Variants in FKBP15 observed in about 807,000 individuals in gnomAD.
FKBP15 encodes the protein FK506-binding protein 15.
Under a neutral mutation model 158.1 loss-of-function variants are expected in FKBP15, and 106 were observed. That is an observed-to-expected ratio of 0.67 (90% CI 0.57 to 0.79). The LOEUF (loss-of-function observed/expected upper bound fraction) is 0.79, where lower values mean the gene tolerates loss of function less well. Among genes scored for constraint, FKBP15 ranks in the 30% least tolerant of loss-of-function variants. The pLI, the probability that FKBP15 is intolerant of heterozygous loss-of-function variation, is 0.00. For missense variants in FKBP15, 1,287 were observed against 1,479.1 expected (o/e 0.87, Z 2.13); for synonymous variants, 547 against 548.6 (o/e 1.00, Z 0.04).
rs755887841 is a variant in FKBP15, at chr9:113,211,581, G to A, written c.65C>T (p.Ala22Val). ...FLSPSGGARL[A>V]SLFGLDQAAA... ...TGCCTGATCCAGTCCAAAAAGTGAG[G>A]CCAATCTGGCACTGTTAGTAGAAAA... is the stretch of plus-strand genomic sequence containing the variant. The change falls in exon 2 of 28, where the codon GCC becomes GTC. Residue 22 changes from alanine (A) to valine (V), a missense_variant. Transcript: ENST00000238256. 1.6e-5 allele frequency: 25 copies of A among 1,599,210 alleles called. No individual in the cohort carries two copies. Among genetic ancestry groups the A allele is most frequent in the Non-Finnish European group, 2.1e-5 (25 of 1,172,104 alleles).
At position 113,221,208 on chromosome 9, in the gene FKBP15, GA is replaced by G; in HGVS notation, c.35del (p.Phe12SerfsTer58). ...TCACTCACCCGCCGCTCGGCGAGAG[GA>G]AATCGGTGTCGTCCTCGTCCCCCGC... is the stretch of plus-strand genomic sequence containing the variant. ...FGAGDEDDTD[F>X]LSPSGGARLA... On this transcript the variant is annotated frameshift_variant, in exon 1 of 28. Coordinates refer to ENST00000238256, the MANE Select transcript of FKBP15 (RefSeq NM_015258.2). LOFTEE classifies it high-confidence loss of function. 1.2e-6 allele frequency: 2 copies of G among 1,610,414 alleles called. No individual in the cohort carries two copies. The highest frequency in any genetic ancestry group is 1.7e-6 in the Non-Finnish European group (2 of 1,178,188).
At chr9:113,221,125 C>T in intron 1 of FKBP15, 66 bp downstream of exon 1, 1 of 1,503,972 alleles carries the variant, frequency 6.6e-7, no homozygotes, top group Non-Finnish European at 9.0e-7. Flanking sequence ...AGAGATCGAC[C>T]CCCCTCCAAC....
chr9:113,188,723 G>A (rs1020494583), intron 12 of FKBP15, among the ~76,000 whole-genome samples: 1 of 152,178 alleles, frequency 6.6e-6, no homozygotes, highest in Non-Finnish European at 1.5e-5. Flanking sequence ...AGTAAATATA[G>A]TTAATTTCCA....
rs1345782014 is a variant in FKBP15 at position 113,184,875 on chromosome 9, AG to A, written c.1499-72del. 6.0e-6 allele frequency: 7 copies of A among 1,164,424 alleles called. No individual in the cohort carries two copies. The East Asian group carries it at 1.5e-4, about 25-fold the overall frequency. The allele number at this position is 1,164,424 out of a possible 1,614,324, so 72.1% of individuals were successfully genotyped here. A position where few individuals can be genotyped will look rare whatever the true frequency, so the allele number is the denominator to read the frequency against. On this transcript the variant is annotated intron_variant, in intron 15 of 27. Transcript: ENST00000238256. This position sits in a 1 kb window ranked among gnomAD's most constrained non-coding sequence, Gnocchi z 4.5. The stretch of plus-strand genomic sequence containing the variant: ...GGAAACTGTATGAAGAAAAGCTAGT[AG>A]CTCTTCCAGTAAAGAAAGAAATTAA...
chr9:113,168,681 C>A (rs774068993), intron 26 of FKBP15, 125 bp from the exon 27 acceptor site: 9 of 776,488 alleles, frequency 1.2e-5, no homozygotes, highest in Non-Finnish European at 1.9e-5. Flanking sequence ...TCAGGAATTC[C>A]TCCCACCTCC....
Position 113,211,517 on chromosome 9 carries a change from G to A in FKBP15, c.129C>T (p.Ala43=), listed in dbSNP as rs1831005071. ...GHGNEFFQYT[A]PKQPKKGQGT... ...CCTGGCCTTTCTTAGGCTGTTTTGG[G>A]GCTGTGTACTGGAAAAATTCATTTC... Residue 43 remains alanine, a synonymous_variant, in exon 2 of 28, where the codon GCC becomes GCT. Transcript: ENST00000238256. 1 of 1,609,342 alleles carries A rather than the reference G, an allele frequency of 6.2e-7. No homozygotes were observed.
chr9:113,201,687 G>T (rs1432638278), intron 6 of FKBP15, among the ~76,000 whole-genome samples: 1 of 152,194 alleles, frequency 6.6e-6, no homozygotes, highest in Non-Finnish European at 1.5e-5. Flanking sequence ...CTGGCACCCT[G>T]ATCTCAGACT....
rs751545996 is a variant in FKBP15, at chr9:113,190,276, A to G, written c.1173+195T>C. Reference sequence around the variant, plus strand: ...GCCCAGTTCTTGTAAAAGATCTACAAAATTGCTTCCATCTCTCAGGGAAGT... The same window carrying G: ...GCCCAGTTCTTGTAAAAGATCTACAGAATTGCTTCCATCTCTCAGGGAAGT... On this transcript the variant is annotated intron_variant, in intron 12 of 27. Transcript: ENST00000238256. 7.5e-4 allele frequency among the ~76,000 whole-genome samples: 114 copies of G among 152,204 alleles called. 4 individuals are homozygous for G. The highest frequency in any genetic ancestry group is 1.0e-3 in the Admixed American group (16 of 15,278).
At chr9:113,189,506 T>G (rs1177976948) in intron 12 of FKBP15, among the ~76,000 whole-genome samples, 1 of 152,060 alleles carries the variant, frequency 6.6e-6, no homozygotes, top group African/African-American at 2.4e-5. Flanking sequence ...CATAAAATTT[T>G]TAATAAAAAT....
chr9:113,210,109 G>C, intron 2 of FKBP15, among the ~76,000 whole-genome samples: 1 of 152,142 alleles, frequency 6.6e-6, no homozygotes, highest in East Asian at 1.9e-4. Context: ...GTGTCCATAT[G>C]GGGCAGAAGG....
chr9:113,199,932 G>C lies in FKBP15; in HGVS notation c.530C>G (p.Ser177Cys). ...GTCCTGGGAGAGCACTGCATCCAGGGAAGAGGTACTGTTGCACTTAGCAAT... is the reference window on the plus strand; with the variant it reads ...GTCCTGGGAGAGCACTGCATCCAGGCAAGAGGTACTGTTGCACTTAGCAAT... The part of the protein sequence containing the change: ...VCIAKCNSTS[S>C]LDAVLSQDLI... Residue 177 changes from serine to cysteine, a missense_variant, in exon 7 of 28, where the codon TCC (serine) becomes TGC (cysteine). Transcript: ENST00000238256. The C allele has an allele frequency of 6.2e-7, 1 of 1,613,352 alleles. No homozygotes were observed. Among genetic ancestry groups the C allele is most frequent in the Non-Finnish European group, 8.5e-7 (1 of 1,179,654 alleles).
chr9:113,209,411 G>A (rs1376713804), intron 2 of FKBP15, among the ~76,000 whole-genome samples: 1 of 152,224 alleles, frequency 6.6e-6, no homozygotes, highest in African/African-American at 2.4e-5. Flanking sequence ...ATGAAGAGAT[G>A]TGCCACAGGA....
At chr9:113,211,752 T>TA (rs58018622) in intron 1 of FKBP15, among the ~76,000 whole-genome samples, 160 bp from the exon 2 acceptor site, 7,007 of 149,474 alleles carry the variant, frequency 0.047, 231 homozygotes, top group African/African-American at 0.094. Context: ...ATTTAAAAAT[T>TA]AAAAAAAAAA....
chr9:113,166,208 C>CTT, intron 27 of FKBP15, 53 bp from the exon 28 acceptor site: 2 of 1,508,458 alleles, frequency 1.3e-6, no homozygotes, highest in Non-Finnish European at 1.8e-6. Flanking sequence ...CACCACTGGA[C>CTT]TTTCCACCTG....
Position 113,165,935 on chromosome 9 carries a change from AACCC to A in FKBP15, c.*139_*142del. ...CGGGGGTGGGGCTCAGAAGGTGGCC[AACCC>A]ACCCTCTGAGCCCAAATATTGTTCC... On this transcript the variant is annotated 3_prime_UTR_variant, in exon 28 of 28. Transcript: ENST00000238256. 1.5e-6 allele frequency: 1 copy of A among 674,240 alleles called. No individual in the cohort carries two copies. The highest frequency in any genetic ancestry group is 1.9e-5 in the South Asian group (1 of 51,570). The allele number at this position is 674,240 out of a possible 1,614,324, so 41.8% of individuals were successfully genotyped here. A position where few individuals can be genotyped will look rare whatever the true frequency, so the allele number is the denominator to read the frequency against.
intron 2 of FKBP15, among the ~76,000 whole-genome samples, chr9:113,208,532 CT>C (rs993805875): frequency 5.3e-5 from 8 of 152,080 alleles, no homozygotes; most frequent in East Asian, 1.9e-4. Context: ...TGTATTAACA[CT>C]TTTTTTTCTG....
rs1830887365 is a variant in FKBP15 at position 113,206,363 on chromosome 9, T to C, written c.324+146A>G. 7 of 615,226 alleles carry C rather than the reference T, an allele frequency of 1.1e-5. No homozygotes were observed. The South Asian group carries it at 1.3e-4, about 12-fold the overall frequency. 38.1% of individuals were successfully genotyped at this position (615,226 alleles called of 1,614,324 possible). ...GTAAGCAAAATGTGATCATTTACTA[T>C]ATGCTTGATGTTATAAATTAACATT... On this transcript the variant is annotated intron_variant, in intron 4 of 27. Transcript: ENST00000238256.
Position 113,190,598 on chromosome 9 carries a change from A to T in FKBP15, c.1066-20T>A. On this transcript the variant is annotated intron_variant, in intron 11 of 27. Coordinates refer to ENST00000238256, the MANE Select transcript of FKBP15 (RefSeq NM_015258.2). Reference sequence around the variant, plus strand: ...GGGACTCTAAAAAGAGAGGAAAGTCACAAAAATCACTGTGATTAAAGCTCA... The same window carrying T: ...GGGACTCTAAAAAGAGAGGAAAGTCTCAAAAATCACTGTGATTAAAGCTCA... 3.8e-6 allele frequency: 6 copies of T among 1,576,476 alleles called. No homozygotes were observed. Among genetic ancestry groups the T allele is most frequent in the Non-Finnish European group, 5.2e-6 (6 of 1,155,112 alleles).
rs762895568 is a variant in FKBP15 at position 113,173,445 on chromosome 9, A to T, written c.2532+8T>A. 8 of 1,612,128 alleles carry T rather than the reference A, an allele frequency of 5.0e-6. No individual in the cohort carries two copies. Among genetic ancestry groups the T allele is most frequent in the Non-Finnish European group, 5.9e-6 (7 of 1,178,480 alleles). On this transcript the variant is annotated splice_region_variant and intron_variant, in intron 23 of 27. Transcript: ENST00000238256. ...GCCTAAACTGTCTGACTCAAGAAAA[A>T]TATGTACCTTTTCCTGAAGTTGTAC...
Sources: allele counts gnomAD v4.1 joint callset (sites outside exome capture counted in the v4.1 genomes callset), GRCh38; gene constraint gnomAD v4.1.1; non-coding constraint Gnocchi (gnomAD v3.1); transcripts MANE v1.5; gene names NCBI Gene and HGNC (gene_info 2026-07-23, HGNC 2026-07-21).